CCSER1: variants seen among roughly 807,000 people sequenced by gnomAD.
CCSER1 encodes the protein serine-rich coiled-coil domain-containing protein 1.
A neutral mutation model predicts 82.0 loss-of-function variants in CCSER1; 41 were observed. That is an observed-to-expected ratio of 0.50 (90% CI 0.39 to 0.65). The LOEUF is 0.65. Ranked by LOEUF, CCSER1 falls within the 30% of genes least tolerant of loss-of-function variation. CCSER1 has a pLI of 0.00. For missense variants in CCSER1, 1,119 were observed against 1,064.2 expected (o/e 1.05, Z -0.72); for synonymous variants, 414 against 383.9 (o/e 1.08, Z -0.92).
chr4:90,508,926 C>A (rs1392314090), intron 5 of CCSER1, among the ~76,000 whole-genome samples: 2 of 151,928 alleles, frequency 1.3e-5, no homozygotes, highest in East Asian at 1.9e-4. Flanking sequence ...TGCTAAACAA[C>A]CTTACTAAAA....
Position 90,897,441 on chromosome 4 carries a change from T to C in CCSER1, c.2095-25929T>C, listed in dbSNP as rs1490160738. On this transcript the variant is annotated intron_variant, in intron 8 of 10. Transcript: ENST00000509176. ...CACTTAGGATAATGGCCTCCAGCTCTATCCATGTTGCTGTGAAGAACATAA... is the reference window on the plus strand; with the variant it reads ...CACTTAGGATAATGGCCTCCAGCTCCATCCATGTTGCTGTGAAGAACATAA... 4.6e-5 allele frequency among the ~76,000 whole-genome samples: 7 copies of C among 152,220 alleles called. No individual in the cohort carries two copies. The East Asian group carries it at 1.4e-3, about 29-fold the overall frequency.
chr4:91,221,583 G>A (rs1185766451), intron 10 of CCSER1, among the ~76,000 whole-genome samples: 1 of 152,078 alleles, frequency 6.6e-6, no homozygotes, highest in African/African-American at 2.4e-5. Flanking sequence ...TAAAAAATAT[G>A]CTTATCTGTT....
intron 10 of CCSER1, among the ~76,000 whole-genome samples, chr4:91,118,663 A>C (rs1194067026): frequency 6.6e-6 from 1 of 152,168 alleles, no homozygotes; most frequent in Non-Finnish European, 1.5e-5. Context: ...GAATAAACAC[A>C]TATTTTATAC....
In CCSER1 at chr4:90,132,627, A is replaced by T. The variant is rs565814608; in HGVS notation, c.-42+4796A>T. 3.3e-5 allele frequency among the ~76,000 whole-genome samples: 5 copies of T among 152,290 alleles called. No individual in the cohort carries two copies. In the South Asian group the frequency reaches 1.0e-3, roughly 32 times the overall value. ...TTTAAGTTGTTTCCATGCAGCCTAA[A>T]TTTTTTTAAAAGGTGTTTGTTGGAA... On this transcript the variant is annotated intron_variant, in intron 1 of 10. Coordinates refer to ENST00000509176, the MANE Select transcript of CCSER1 (RefSeq NM_001145065.2).
intron 1 of CCSER1, among the ~76,000 whole-genome samples, chr4:90,130,960 T>A (rs1415799700): frequency 6.6e-6 from 1 of 152,150 alleles, no homozygotes; most frequent in Non-Finnish European, 1.5e-5. Context: ...TTTACACATT[T>A]AAGAAGACAA....
chr4:91,491,467 C>A (rs1482641387), intron 10 of CCSER1, among the ~76,000 whole-genome samples: 1 of 151,916 alleles, frequency 6.6e-6, no homozygotes, highest in Non-Finnish European at 1.5e-5. Context: ...TCATATACAT[C>A]AAATAATGCA....
chr4:90,721,784 G>A (rs930135952), intron 6 of CCSER1, among the ~76,000 whole-genome samples: 4 of 151,102 alleles, frequency 2.6e-5, no homozygotes, highest in African/African-American at 9.7e-5. Context: ...AAGCAAATGG[G>A]AAAACAATAG....
At chr4:91,420,530 A>G (rs961890950) in intron 10 of CCSER1, among the ~76,000 whole-genome samples, 1 of 152,092 alleles carries the variant, frequency 6.6e-6, no homozygotes, top group African/African-American at 2.4e-5. Flanking sequence ...TGTTAAAAAA[A>G]CAGGAGATAA....
intron 1 of CCSER1, among the ~76,000 whole-genome samples, chr4:90,211,678 C>G (rs1740026111): frequency 1.3e-5 from 2 of 152,138 alleles, no homozygotes. Context: ...CCCTAAGAAT[C>G]TTGGATTTCA....
intron 5 of CCSER1, among the ~76,000 whole-genome samples, chr4:90,604,354 G>C (rs975326345): frequency 2.5e-4 from 38 of 151,662 alleles, no homozygotes; most frequent in Non-Finnish European, 1.5e-4. Flanking sequence ...AGACTCTGGA[G>C]ATGTAAAGAC....
At chr4:91,134,914 G>T (rs112918698) in intron 10 of CCSER1, among the ~76,000 whole-genome samples, 1 of 151,874 alleles carries the variant, frequency 6.6e-6, no homozygotes, top group Non-Finnish European at 1.5e-5. Flanking sequence ...ACAAAAATTA[G>T]CTGGATGTGG....
At position 90,229,296 on chromosome 4, in the gene CCSER1, A is replaced by C. The variant is rs1053358471; in HGVS notation, c.-41-78948A>C. 2.6e-4 allele frequency among the ~76,000 whole-genome samples: 40 copies of C among 152,336 alleles called. 1 individual carries two copies. The highest frequency in any genetic ancestry group is 9.1e-4 in the African/African-American group (38 of 41,586). On this transcript the variant is annotated intron_variant, in intron 1 of 10. Transcript: ENST00000509176. ...CTCAGCAGAAATTCTACAAGCCAGAAGAGAGTGGGGGCCAATATTCAACAT... is the reference window on the plus strand; with the variant it reads ...CTCAGCAGAAATTCTACAAGCCAGACGAGAGTGGGGGCCAATATTCAACAT...
chr4:90,797,799 C>G (rs79666322), intron 7 of CCSER1, among the ~76,000 whole-genome samples: 1 of 151,972 alleles, frequency 6.6e-6, no homozygotes, highest in Non-Finnish European at 1.5e-5. Flanking sequence ...GAATATAGGC[C>G]GCCAATGTCT....
chr4:90,351,995 T>C (rs1416171690), intron 3 of CCSER1, among the ~76,000 whole-genome samples: 1 of 152,158 alleles, frequency 6.6e-6, no homozygotes, highest in Non-Finnish European at 1.5e-5. Context: ...TTATGAGCAG[T>C]GTATCATATT....
intron 10 of CCSER1, among the ~76,000 whole-genome samples, chr4:91,399,699 T>G (rs1326605779): frequency 1.3e-5 from 2 of 151,988 alleles, no homozygotes; most frequent in African/African-American, 4.8e-5. Context: ...CTCTCTTCTT[T>G]TGTAGCCTTA....
intron 6 of CCSER1, chr4:90,649,554 C>T (rs1728331808): frequency 6.6e-6 from 1 of 152,124 alleles, no homozygotes; most frequent in Non-Finnish European, 1.5e-5. Context: ...ATTTGCAAGC[C>T]AGGAAGAGAG....
intron 5 of CCSER1, among the ~76,000 whole-genome samples, chr4:90,509,064 T>G (rs1771112433): frequency 6.6e-6 from 1 of 152,094 alleles, no homozygotes; most frequent in Non-Finnish European, 1.5e-5. Context: ...AATTAAAAGA[T>G]TCAGTCTCAG....
chr4:91,148,408 A>G (rs1175337393), intron 10 of CCSER1, among the ~76,000 whole-genome samples: 2 of 152,136 alleles, frequency 1.3e-5, no homozygotes, highest in Non-Finnish European at 2.9e-5. Flanking sequence ...TTAAAAAAAT[A>G]AAATAAATTC....
intron 10 of CCSER1, among the ~76,000 whole-genome samples, chr4:91,139,383 T>C (rs1354743646): frequency 1.3e-5 from 2 of 152,142 alleles, no homozygotes; most frequent in Non-Finnish European, 2.9e-5. Flanking sequence ...TACATCCTTC[T>C]TCAGAACAAC....
Sources: gnomAD v4.1 joint callset for allele counts (sites outside exome capture counted in the v4.1 genomes callset) on GRCh38, gnomAD v4.1.1 for gene constraint, MANE v1.5 for transcripts, NCBI Gene and HGNC (gene_info 2026-07-23, HGNC 2026-07-21) for gene names.